The following TLK1 variants were observed in gnomAD, a reference collection of about 807,000 sequenced individuals.
The protein encoded by TLK1 is tousled like kinase 1.
In TLK1, 24 loss-of-function variants were observed where a neutral mutation model predicts 105.3. That is an observed-to-expected ratio of 0.23 (90% confidence interval 0.17 to 0.32). The LOEUF is 0.32. Ranked by LOEUF, TLK1 falls within the 10% of genes least tolerant of loss-of-function variation. TLK1 has a pLI of 1.00. For synonymous variants in TLK1, 321 were observed against 310.4 expected, an observed-to-expected ratio of 1.03 and a Z score of -0.36; for missense variants, 558 against 910.5, an observed-to-expected ratio of 0.61 and a Z score of 4.98.
chr2:171,014,683 A>T (rs1035787852), intron 13 of TLK1, among the ~76,000 whole-genome samples, 168 bp downstream of exon 13: 1 of 152,126 alleles, frequency 6.6e-6, no homozygotes, highest in African/African-American at 2.4e-5. Flanking sequence ...GAGGACAGTA[A>T]GGTGGCCAGG....
chr2:171,094,278 C>T (rs1468434957), intron 2 of TLK1, among the ~76,000 whole-genome samples: 1 of 151,980 alleles, frequency 6.6e-6, no homozygotes, highest in Non-Finnish European at 1.5e-5. Flanking sequence ...GTAGAATCAT[C>T]CCGTTAACAT....
At chr2:171,062,836 C>T (rs1016384759) in intron 3 of TLK1, among the ~76,000 whole-genome samples, 8 of 152,078 alleles carry the variant, frequency 5.3e-5, no homozygotes, top group Non-Finnish European at 1.0e-4. Context: ...AATGAAATGC[C>T]AGTATGTTTT....
chr2:171,179,744 G>A (rs1692893383), intron 1 of TLK1, among the ~76,000 whole-genome samples: 1 of 152,112 alleles, frequency 6.6e-6, no homozygotes, highest in Non-Finnish European at 1.5e-5. Flanking sequence ...GATCACTTGA[G>A]GTCAGGGGTT....
chr2:171,214,711 A>G (rs183407403), intron 1 of TLK1, among the ~76,000 whole-genome samples: 1 of 152,368 alleles, frequency 6.6e-6, no homozygotes, highest in East Asian at 1.9e-4. Context: ...GGACCAATGT[A>G]TGATAAGAAC....
intron 1 of TLK1, among the ~76,000 whole-genome samples, chr2:171,230,461 C>T (rs546562569): frequency 7.2e-5 from 11 of 152,210 alleles, no homozygotes; most frequent in African/African-American, 2.2e-4. Context: ...TTTGAAGGCC[C>T]CTATAGAGGA....
At chr2:171,033,506 A>G (rs1313620717) in intron 11 of TLK1, among the ~76,000 whole-genome samples, 1 of 151,736 alleles carries the variant, frequency 6.6e-6, no homozygotes, top group Non-Finnish European at 1.5e-5. Context: ...ATTTGGTAAC[A>G]CAAGAGGATG....
In TLK1 at chr2:170,993,367, CAT is replaced by C. The variant is rs1447093152; in HGVS notation, c.*411_*412del. 1.9e-5 allele frequency: 3 copies of C among 154,344 alleles called. No homozygotes were observed. Among genetic ancestry groups the C allele is most frequent in the African/African-American group, 7.2e-5 (3 of 41,550 alleles). 9.6% of individuals were successfully genotyped at this position (154,344 alleles called of 1,614,324 possible). On this transcript the variant is annotated 3_prime_UTR_variant, in exon 21 of 21. Coordinates refer to ENST00000431350, the MANE Select transcript of TLK1 (RefSeq NM_012290.5). ...TAGTTCGTATGTTAGAAATATGTCTCATATTTTTCCATGTGTTTTTAAATAAT... is the reference window on the plus strand; with the variant it reads ...TAGTTCGTATGTTAGAAATATGTCTCATTTTTCCATGTGTTTTTAAATAAT...
chr2:171,068,455 T>C (rs1688111712), intron 3 of TLK1, among the ~76,000 whole-genome samples: 1 of 152,228 alleles, frequency 6.6e-6, no homozygotes, highest in Non-Finnish European at 1.5e-5. Flanking sequence ...TACAGACATG[T>C]GACCATACCC....
chr2:171,190,087 T>C (rs1291494961), intron 1 of TLK1, among the ~76,000 whole-genome samples: 2 of 152,346 alleles, frequency 1.3e-5, no homozygotes, highest in East Asian at 3.9e-4. Context: ...TAAGATCTTT[T>C]AGCTGCAATA....
At chr2:171,187,226 C>T (rs1303932431) in intron 1 of TLK1, among the ~76,000 whole-genome samples, 3 of 152,078 alleles carry the variant, frequency 2.0e-5, no homozygotes, top group African/African-American at 7.2e-5. Flanking sequence ...ATCCACCCAT[C>T]TCTAGGAGTC....
intron 11 of TLK1, among the ~76,000 whole-genome samples, chr2:171,036,769 G>C (rs576226974): frequency 1.3e-5 from 2 of 152,280 alleles, no homozygotes; most frequent in Admixed American, 1.3e-4. Context: ...TATTTGATGA[G>C]AATTGAACTT....
chr2:171,014,828 G>A (rs771936812), intron 13 of TLK1, 23 bp downstream of exon 13: 6 of 1,554,314 alleles, frequency 3.9e-6, no homozygotes, highest in South Asian at 2.2e-5. Flanking sequence ...ATATGAAACT[G>A]TGAAATGCAA....
intron 2 of TLK1, among the ~76,000 whole-genome samples, chr2:171,096,446 TA>T (rs1000895078): frequency 8.0e-4 from 122 of 151,638 alleles, no homozygotes; most frequent in African/African-American, 2.5e-3. Context: ...TACAATAGCA[TA>T]AAAAAAATTT....
In TLK1 at chr2:171,017,357, C is replaced by G. The variant is rs1376407457; in HGVS notation, c.1237-2409G>C. Among the ~76,000 whole-genome samples, 5 of 152,164 alleles carry G rather than the reference C, an allele frequency of 3.3e-5. No homozygotes were observed. The East Asian group carries it at 9.6e-4, about 29-fold the overall frequency. On this transcript the variant is annotated intron_variant, in intron 12 of 20. Transcript: ENST00000431350. ...TGACTGTCACATGTGTAGGAAGCTACTCAACATTTGGTGGGCTGGTGCAAG... is the reference window on the plus strand; with the variant it reads ...TGACTGTCACATGTGTAGGAAGCTAGTCAACATTTGGTGGGCTGGTGCAAG...
At chr2:171,010,625 CAAAA>C (rs77995237) in intron 14 of TLK1, among the ~76,000 whole-genome samples, 5 of 94,466 alleles carry the variant, frequency 5.3e-5, no homozygotes, top group African/African-American at 1.8e-4. Flanking sequence ...ACATAAAGTA[CAAAA>C]AAAAAAAAAA....
chr2:171,015,733 C>CACACACA (rs1685169621), intron 12 of TLK1, among the ~76,000 whole-genome samples: 101 of 8,158 alleles, frequency 0.012, no homozygotes, highest in Middle Eastern at 0.042. Context: ...ACACACACAC[C>CACACACA]CACCCCTTTT....
At chr2:171,144,626 C>A (rs1039385110) in intron 1 of TLK1, among the ~76,000 whole-genome samples, 11 of 151,748 alleles carry the variant, frequency 7.2e-5, no homozygotes. Flanking sequence ...TGAATAAAAA[C>A]AAAAAGGCAA....
At chr2:171,016,767 A>G (rs1685233853) in intron 12 of TLK1, among the ~76,000 whole-genome samples, 4 of 152,220 alleles carry the variant, frequency 2.6e-5, no homozygotes, top group Admixed American at 2.0e-4. Context: ...GAAAAAACAA[A>G]TTATATCTCT....
intron 1 of TLK1, among the ~76,000 whole-genome samples, chr2:171,183,685 G>T (rs1047642303): frequency 6.6e-6 from 1 of 152,112 alleles, no homozygotes; most frequent in Non-Finnish European, 1.5e-5. Flanking sequence ...ATTGGGCCAA[G>T]TCTGTCAATA....
Sources: gnomAD v4.1 joint callset for allele counts (sites outside exome capture counted in the v4.1 genomes callset) on GRCh38, gnomAD v4.1.1 for gene constraint, MANE v1.5 for transcripts, NCBI Gene and HGNC (gene_info 2026-07-23, HGNC 2026-07-21) for gene names.